The following PRRG1 variants were observed in gnomAD, a reference collection of about 807,000 sequenced individuals.
The protein encoded by PRRG1 is proline rich and Gla domain 1.
A neutral mutation model predicts 11.8 loss-of-function variants in PRRG1; 5 were observed. The ratio of observed to expected loss-of-function variants is 0.42; its 90% confidence interval spans 0.22 to 0.89. PRRG1 has a LOEUF of 0.89. Ranked by LOEUF, PRRG1 falls within the 40% of genes least tolerant of loss-of-function variation. The pLI, the probability that PRRG1 is intolerant of heterozygous loss-of-function variation, is 0.28. For synonymous variants in PRRG1, 66 were observed against 60.4 expected (o/e 1.09, Z -0.43); for missense variants, 155 against 166.1 (o/e 0.93, Z 0.37).
intron 3 of PRRG1, among the ~76,000 whole-genome samples, chrX:37,433,604 A>G (rs1224757159): frequency 9.1e-6 from 1 of 109,415 alleles, no homozygotes; most frequent in Non-Finnish European, 1.9e-5. Flanking sequence ...CCGCCCCATC[A>G]GGACTGTTAG....
At chrX:37,447,405 C>T (rs1182604815) in intron 3 of PRRG1, among the ~76,000 whole-genome samples, 1 of 112,215 alleles carries the variant, frequency 8.9e-6, no homozygotes, top group Non-Finnish European at 1.9e-5. Context: ...TCTTCCTTTA[C>T]CTTAATCAAA....
intron 1 of PRRG1, among the ~76,000 whole-genome samples, chrX:37,389,660 C>T (rs1931460547): frequency 8.9e-6 from 1 of 111,849 alleles, no homozygotes; most frequent in Non-Finnish European, 1.9e-5. Flanking sequence ...TAGTGCTAAA[C>T]CATTCATGAG....
chrX:37,368,368 C>T (rs781833453), intron 1 of PRRG1, among the ~76,000 whole-genome samples: 2 of 111,582 alleles, frequency 1.8e-5, no homozygotes, highest in African/African-American at 3.2e-5. Flanking sequence ...TTATGGGATC[C>T]GTATGCATTT....
At chrX:37,438,780 C>G (rs1340124334) in intron 3 of PRRG1, among the ~76,000 whole-genome samples, 1 of 111,312 alleles carries the variant, frequency 9.0e-6, no homozygotes, top group Non-Finnish European at 1.9e-5. Context: ...CTCTTCAATT[C>G]GTGCTATGTT....
At chrX:37,405,115 G>A (rs1442187032) in intron 1 of PRRG1, among the ~76,000 whole-genome samples, 1 of 112,018 alleles carries the variant, frequency 8.9e-6, no homozygotes, top group African/African-American at 3.2e-5. Flanking sequence ...TGGGAAGCAT[G>A]GGCTCTGTAT....
chrX:37,393,152 A>G (rs1243825633), intron 1 of PRRG1, among the ~76,000 whole-genome samples: 8 of 111,012 alleles, frequency 7.2e-5, no homozygotes, highest in African/African-American at 2.6e-4. Context: ...TCTGAATTTC[A>G]GCAACATCTA....
At chrX:37,351,385 C>T (rs1930057582) in intron 1 of PRRG1, among the ~76,000 whole-genome samples, 1 of 109,426 alleles carries the variant, frequency 9.1e-6, no homozygotes, top group African/African-American at 3.3e-5. Flanking sequence ...GTCCCAGCTA[C>T]TAGGGAGACT....
At chrX:37,377,631 A>G (rs1234068398) in intron 1 of PRRG1, among the ~76,000 whole-genome samples, 1 of 111,796 alleles carries the variant, frequency 8.9e-6, no homozygotes, top group Non-Finnish European at 1.9e-5. Context: ...TATAGGTGCT[A>G]TTCAGTATTG....
chrX:37,441,996 G>C (rs1932989141), intron 3 of PRRG1: 1 of 768,167 alleles, frequency 1.3e-6, no homozygotes. Context: ...ACCTGTGCAA[G>C]ACGTGAGCCC....
At chrX:37,400,239 A>C (rs1276322782) in intron 1 of PRRG1, among the ~76,000 whole-genome samples, 1 of 111,186 alleles carries the variant, frequency 9.0e-6, no homozygotes, top group South Asian at 3.8e-4. Context: ...GAAGTAAAGC[A>C]CTCCTCAGCA....
chrX:37,428,542 A>T (rs1434853439), intron 3 of PRRG1, among the ~76,000 whole-genome samples: 3 of 112,146 alleles, frequency 2.7e-5, no homozygotes. Context: ...GGTCACACTG[A>T]TGCAAGGGGT....
At chrX:37,406,593 C>CT (rs1231437885) in intron 2 of PRRG1, among the ~76,000 whole-genome samples, 2 of 109,786 alleles carry the variant, frequency 1.8e-5, no homozygotes, top group East Asian at 2.8e-4. Flanking sequence ...CTTTATAAGT[C>CT]TTTTTTCTGT....
At chrX:37,350,343 T>G (rs1445685246) in intron 1 of PRRG1, among the ~76,000 whole-genome samples, 1 of 111,778 alleles carries the variant, frequency 8.9e-6, no homozygotes, top group Admixed American at 9.4e-5. Flanking sequence ...GTGACAAAAC[T>G]TAGAGCTTAA....
intron 3 of PRRG1, among the ~76,000 whole-genome samples, chrX:37,444,707 A>G (rs1254032205): frequency 9.0e-6 from 1 of 111,295 alleles, no homozygotes; most frequent in Admixed American, 9.6e-5. Context: ...ATTTCTACCC[A>G]TCATGTCACC....
chrX:37,377,197 A>G (rs1930998823), intron 1 of PRRG1, among the ~76,000 whole-genome samples: 1 of 112,313 alleles, frequency 8.9e-6, no homozygotes, highest in African/African-American at 3.2e-5. Flanking sequence ...ATACTTTGTT[A>G]GATAAAGCTA....
intron 2 of PRRG1, among the ~76,000 whole-genome samples, chrX:37,414,315 C>T (rs1198146012): frequency 2.7e-5 from 3 of 111,677 alleles, no homozygotes; most frequent in Admixed American, 9.5e-5. Flanking sequence ...TTCATTCTCT[C>T]GATATAATGG....
At chrX:37,366,077 G>C (rs993821851) in intron 1 of PRRG1, among the ~76,000 whole-genome samples, 5 of 112,099 alleles carry the variant, frequency 4.5e-5, no homozygotes, top group Non-Finnish European at 9.4e-5. Context: ...AGTACTTCTG[G>C]TTCACCAAAA....
intron 1 of PRRG1, among the ~76,000 whole-genome samples, chrX:37,355,511 A>G (rs916453141): frequency 8.9e-6 from 1 of 112,059 alleles, no homozygotes; most frequent in East Asian, 2.8e-4. Context: ...AAATGGGAAT[A>G]TGTAAAGGTG....
intron 3 of PRRG1, among the ~76,000 whole-genome samples, chrX:37,445,174 C>T (rs1933051577): frequency 8.9e-6 from 1 of 112,122 alleles, no homozygotes. Context: ...CAAAGAGGCT[C>T]TCAAGCTTTG....
Sources: allele counts gnomAD v4.1 joint callset (sites outside exome capture counted in the v4.1 genomes callset), GRCh38; gene constraint gnomAD v4.1.1; transcripts MANE v1.5; gene names NCBI Gene and HGNC (gene_info 2026-07-23, HGNC 2026-07-21).